Variants in PARVA observed in about 807,000 individuals in gnomAD.
PARVA encodes parvin alpha.
In PARVA, 25 loss-of-function variants were observed where a neutral mutation model predicts 52.6. That is an observed-to-expected ratio of 0.48 (90% CI 0.35 to 0.66). The LOEUF (loss-of-function observed/expected upper bound fraction) is 0.66, where lower values mean the gene tolerates loss of function less well. PARVA is among the 30% of genes least tolerant of loss of function. The probability of loss-of-function intolerance (pLI) is 0.01; values close to 1 mark genes in which losing one functional copy is unlikely to be tolerated. For synonymous variants in PARVA, 185 were observed against 179.1 expected (o/e 1.03, Z -0.26); for missense variants, 373 against 450.9 (o/e 0.83, Z 1.56).
At chr11:12,387,761 G>A (rs1310419776) in intron 1 of PARVA, among the ~76,000 whole-genome samples, 1 of 151,740 alleles carries the variant, frequency 6.6e-6, no homozygotes, top group Admixed American at 6.6e-5. Flanking sequence ...GGGGGTTTGG[G>A]GTGGGGGTGG....
chr11:12,392,456 A>G lies in PARVA; in HGVS notation c.136+14673A>G, dbSNP rs367706313. 4.8e-4 allele frequency among the ~76,000 whole-genome samples: 73 copies of G among 151,990 alleles called. 1 individual carries two copies. The South Asian group carries it at 0.015, about 31-fold the overall frequency. Reference sequence around the variant, plus strand: ...GCTAATTTTTGTATTTTTAGTAGAGACGGGGTTTCACCATGTTGGCCAGGC... The same window carrying G: ...GCTAATTTTTGTATTTTTAGTAGAGGCGGGGTTTCACCATGTTGGCCAGGC... On this transcript the variant is annotated intron_variant, in intron 1 of 12. Coordinates refer to ENST00000334956, the MANE Select transcript of PARVA (RefSeq NM_018222.5).
chr11:12,381,383 T>C (rs560418484), intron 1 of PARVA, among the ~76,000 whole-genome samples: 1 of 152,342 alleles, frequency 6.6e-6, no homozygotes, highest in South Asian at 2.1e-4. Flanking sequence ...GCCATCAGTC[T>C]GTCCACAGAT....
At chr11:12,412,808 C>A (rs1013984910) in intron 1 of PARVA, among the ~76,000 whole-genome samples, 5 of 152,230 alleles carry the variant, frequency 3.3e-5, no homozygotes, top group Admixed American at 1.3e-4. Context: ...ATTTCCCTTT[C>A]CACGCCAGTG....
chr11:12,424,672 A>G (rs960378935), intron 1 of PARVA, among the ~76,000 whole-genome samples: 9 of 152,200 alleles, frequency 5.9e-5, no homozygotes, highest in African/African-American at 2.2e-4. Context: ...ATTGCTCTAG[A>G]ATTTCCACAT....
chr11:12,469,139 C>T (rs1039484622), intron 1 of PARVA, among the ~76,000 whole-genome samples: 2 of 152,046 alleles, frequency 1.3e-5, no homozygotes, highest in African/African-American at 4.8e-5. Context: ...TGTTTTATAC[C>T]GAAGTTCAAG....
At chr11:12,527,163 G>T (rs142977783) in intron 12 of PARVA, among the ~76,000 whole-genome samples, 122 of 152,314 alleles carry the variant, frequency 8.0e-4, no homozygotes, top group African/African-American at 2.7e-3. Context: ...TTTCCACATG[G>T]AATTCTTTGC....
intron 1 of PARVA, among the ~76,000 whole-genome samples, chr11:12,408,150 G>T (rs1001556195): frequency 6.7e-6 from 1 of 150,130 alleles, no homozygotes; most frequent in Non-Finnish European, 1.5e-5. Context: ...CCCCCACCCC[G>T]ACCTGGCCCT....
chr11:12,486,824 A>T (rs1941165697), intron 4 of PARVA, among the ~76,000 whole-genome samples: 1 of 152,200 alleles, frequency 6.6e-6, no homozygotes, highest in Non-Finnish European at 1.5e-5. Flanking sequence ...CCAGCCTGGA[A>T]GACAAAGTGA....
chr11:12,495,292 A>G (rs933260955), intron 4 of PARVA, among the ~76,000 whole-genome samples: 1 of 152,186 alleles, frequency 6.6e-6, no homozygotes, highest in African/African-American at 2.4e-5. Context: ...AACCTGCATA[A>G]ATTCTCCATT....
At chr11:12,398,785 C>A (rs1235103664) in intron 1 of PARVA, among the ~76,000 whole-genome samples, 1 of 152,028 alleles carries the variant, frequency 6.6e-6, no homozygotes. Flanking sequence ...ACTTAATATT[C>A]CTTGCTGTTA....
At chr11:12,525,928 CCTAAGGAGGTTCCCCCA>C (rs1302363095) in intron 12 of PARVA, among the ~76,000 whole-genome samples, 1 of 151,994 alleles carries the variant, frequency 6.6e-6, no homozygotes, top group African/African-American at 2.4e-5. Context: ...GTGGGGGGAA[CCTAAGGAGGTTCCCCCA>C]AGCCCTGGGC....
intron 1 of PARVA, among the ~76,000 whole-genome samples, chr11:12,388,405 C>G (rs1365185607): frequency 6.6e-6 from 1 of 152,222 alleles, no homozygotes; most frequent in Admixed American, 6.5e-5. Flanking sequence ...TGCTTCAAAC[C>G]AGCTTTAGGG....
At chr11:12,427,419 A>G (rs925922915) in intron 1 of PARVA, among the ~76,000 whole-genome samples, 7 of 152,174 alleles carry the variant, frequency 4.6e-5, no homozygotes, top group Admixed American at 2.6e-4. Context: ...ATCCCTTCCT[A>G]GCACAGAAAA....
intron 12 of PARVA, among the ~76,000 whole-genome samples, chr11:12,524,693 C>T (rs1043291987): frequency 3.3e-5 from 5 of 152,224 alleles, no homozygotes; most frequent in East Asian, 1.9e-4. Flanking sequence ...CTTGGGAGCG[C>T]GTGGCCCTCT....
At chr11:12,451,330 C>T (rs1940621229) in intron 1 of PARVA, among the ~76,000 whole-genome samples, 1 of 152,160 alleles carries the variant, frequency 6.6e-6, no homozygotes, top group South Asian at 2.1e-4. Context: ...CCCAGATTTT[C>T]AGGCACCTTC....
At chr11:12,523,753 G>C (rs908118415) in intron 12 of PARVA, among the ~76,000 whole-genome samples, 40 of 152,188 alleles carry the variant, frequency 2.6e-4, no homozygotes, top group Non-Finnish European at 4.4e-4. Context: ...CCATAGTCCT[G>C]GCTGTCTGCC....
intron 4 of PARVA, among the ~76,000 whole-genome samples, chr11:12,486,524 ACT>A (rs1269726542): frequency 1.3e-5 from 2 of 151,460 alleles, no homozygotes; most frequent in Non-Finnish European, 2.9e-5. Flanking sequence ...CAAGAGCGAA[ACT>A]CTGTCTCAAA....
chr11:12,403,672 T>C (rs1189667818), intron 1 of PARVA, among the ~76,000 whole-genome samples: 1 of 152,254 alleles, frequency 6.6e-6, no homozygotes, highest in African/African-American at 2.4e-5. Flanking sequence ...TTAGAAAATA[T>C]AGGAAAGGAG....
At chr11:12,454,901 T>A (rs1034776980) in intron 1 of PARVA, among the ~76,000 whole-genome samples, 2 of 152,258 alleles carry the variant, frequency 1.3e-5, no homozygotes, top group Non-Finnish European at 2.9e-5. Flanking sequence ...CTCATAGTTT[T>A]GATTGTTTCA....
Sources: gnomAD v4.1 joint callset for allele counts (sites outside exome capture counted in the v4.1 genomes callset) on GRCh38, gnomAD v4.1.1 for gene constraint, MANE v1.5 for transcripts, NCBI Gene and HGNC (gene_info 2026-07-23, HGNC 2026-07-21) for gene names.